PIP5K1B: variants seen among roughly 807,000 people sequenced by gnomAD.
The protein encoded by PIP5K1B is phosphatidylinositol 4-phosphate 5-kinase type-1 beta.
In PIP5K1B, 42 loss-of-function variants were observed where a neutral mutation model predicts 67.0. The ratio of observed to expected loss-of-function variants is 0.63; its 90% CI spans 0.49 to 0.81. PIP5K1B has a LOEUF of 0.81. Ranked by LOEUF, PIP5K1B falls within the 30% of genes least tolerant of loss-of-function variation. PIP5K1B has a pLI of 0.00. For missense variants in PIP5K1B, 459 were observed against 646.3 expected, an observed-to-expected ratio of 0.71 and a Z score of 3.14; for synonymous variants, 214 against 231.4, an observed-to-expected ratio of 0.92 and a Z score of 0.68.
At chr9:68,894,661 A>C in intron 8 of PIP5K1B, 23 bp downstream of exon 8, 1 of 1,606,456 alleles carries the variant, frequency 6.2e-7, no homozygotes, top group Non-Finnish European at 8.5e-7. Context: ...GATTGTTGTG[A>C]TTTCCTTTGA....
intron 2 of PIP5K1B, among the ~76,000 whole-genome samples, chr9:68,747,166 A>G (rs191377935): frequency 1.3e-5 from 2 of 151,140 alleles, no homozygotes; most frequent in Non-Finnish European, 2.9e-5. Flanking sequence ...TTTACTCCGT[A>G]TAAGGCCCTG....
intron 14 of PIP5K1B, among the ~76,000 whole-genome samples, chr9:68,972,172 A>G (rs1829404737): frequency 6.6e-6 from 1 of 152,182 alleles, no homozygotes; most frequent in South Asian, 2.1e-4. Context: ...TATAAGGTGT[A>G]AGGAAGGGGT....
intron 1 of PIP5K1B, among the ~76,000 whole-genome samples, chr9:68,707,020 C>G (rs1827156136): frequency 6.6e-6 from 1 of 152,144 alleles, no homozygotes; most frequent in Non-Finnish European, 1.5e-5. Flanking sequence ...CTAGAGCATT[C>G]CCAGCTGAAA....
chr9:69,004,759 G>A (rs1224710022), intron 15 of PIP5K1B, among the ~76,000 whole-genome samples: 3 of 152,194 alleles, frequency 2.0e-5, no homozygotes, highest in Non-Finnish European at 2.9e-5. Context: ...TGTCTCTGCA[G>A]TGATGGCTAA....
intron 2 of PIP5K1B, among the ~76,000 whole-genome samples, chr9:68,749,004 C>T (rs879779145): frequency 1.4e-4 from 22 of 152,268 alleles, no homozygotes; most frequent in Non-Finnish European, 2.5e-4. Context: ...GTTCAAATCC[C>T]GCCTCTACCC....
At chr9:68,840,073 A>G (rs1018450201) in intron 4 of PIP5K1B, among the ~76,000 whole-genome samples, 3 of 152,236 alleles carry the variant, frequency 2.0e-5, no homozygotes, top group East Asian at 3.8e-4. Flanking sequence ...AACAGGACCT[A>G]AAAGTATTGA....
intron 3 of PIP5K1B, chr9:68,822,365 T>G: frequency 2.9e-6 from 1 of 345,468 alleles, no homozygotes; most frequent in Non-Finnish European, 5.2e-6. Context: ...CTTATACACA[T>G]GTACATGCTT....
intron 4 of PIP5K1B, among the ~76,000 whole-genome samples, chr9:68,848,142 C>CTACA (rs1304183567): frequency 2.0e-5 from 3 of 152,168 alleles, no homozygotes. Context: ...AAGGCTTGGA[C>CTACA]TACAGTAAGT....
At chr9:68,711,125 T>A (rs2132236278) in intron 1 of PIP5K1B, among the ~76,000 whole-genome samples, 1 of 152,326 alleles carries the variant, frequency 6.6e-6, no homozygotes, top group East Asian at 1.9e-4. Context: ...CATTCAGTCA[T>A]GCTGAGCAAG....
chr9:68,847,868 G>A (rs956927225), intron 4 of PIP5K1B, among the ~76,000 whole-genome samples: 21 of 152,312 alleles, frequency 1.4e-4, no homozygotes, highest in Admixed American at 6.5e-4. Context: ...GGCCCATGTA[G>A]CCAATAAACA....
chr9:68,902,385 G>C (rs560794520), intron 8 of PIP5K1B, among the ~76,000 whole-genome samples: 1 of 152,252 alleles, frequency 6.6e-6, no homozygotes, highest in East Asian at 1.9e-4. Context: ...CCTGAGATTG[G>C]CTTTTTTTTA....
At chr9:68,967,950 C>A (rs1829123992) in intron 14 of PIP5K1B, among the ~76,000 whole-genome samples, 1 of 9,620 alleles carries the variant, frequency 1.0e-4, no homozygotes, top group African/African-American at 1.2e-4. Flanking sequence ...GGATTGCTCC[C>A]CAAAACCCAG....
chr9:68,952,417 G>T (rs569725684), intron 14 of PIP5K1B, among the ~76,000 whole-genome samples: 1 of 152,216 alleles, frequency 6.6e-6, no homozygotes, highest in African/African-American at 2.4e-5. Flanking sequence ...CATCATTCTG[G>T]GGATTCTAGT....
At chr9:68,895,717 TGACAGA>T (rs1349317481) in intron 8 of PIP5K1B, among the ~76,000 whole-genome samples, 1 of 152,104 alleles carries the variant, frequency 6.6e-6, no homozygotes, top group African/African-American at 2.4e-5. Flanking sequence ...TTTTCTTTAT[TGACAGA>T]GATGTTACTC....
chr9:68,935,478 A>G (rs181239465), intron 13 of PIP5K1B, among the ~76,000 whole-genome samples: 1 of 152,300 alleles, frequency 6.6e-6, no homozygotes, highest in Non-Finnish European at 1.5e-5. Flanking sequence ...AAATAAATAA[A>G]TAAATAAATA....
At position 68,822,696 on chromosome 9, in the gene PIP5K1B, T is replaced by G. The variant is rs373673153; in HGVS notation, c.69+13T>G. 4.4e-6 allele frequency: 7 copies of G among 1,589,418 alleles called. No individual in the cohort carries two copies. In the African/African-American group the frequency reaches 9.4e-5, roughly 21 times the overall value. Reference sequence around the variant, plus strand: ...AACCTATAAAAAGGTGAGTGTGCATTTTATTTTCTAAAGAGGAACACCGTT... The same window carrying G: ...AACCTATAAAAAGGTGAGTGTGCATGTTATTTTCTAAAGAGGAACACCGTT... On this transcript the variant is annotated intron_variant, in intron 4 of 15. Transcript: ENST00000265382.
intron 4 of PIP5K1B, among the ~76,000 whole-genome samples, chr9:68,843,742 C>A (rs569838094): frequency 6.9e-4 from 105 of 152,344 alleles, no homozygotes; most frequent in Non-Finnish European, 1.5e-5. Context: ...CCTTACCCAA[C>A]GAGACTGTAG....
At position 68,917,530 on chromosome 9, in the gene PIP5K1B, G is replaced by C; in HGVS notation, c.772-18G>C. ...GGCCTTTGGGTTGACTGGCTTCCTG[G>C]TTCTTTTTCTCATTCAGGTGCTAGA... is the stretch of plus-strand genomic sequence containing the variant. On this transcript the variant is annotated intron_variant, in intron 8 of 15. Transcript: ENST00000265382. The C allele has an allele frequency of 2.5e-6, 4 of 1,599,788 alleles. No individual in the cohort carries two copies. The highest frequency in any genetic ancestry group is 3.4e-6 in the Non-Finnish European group (4 of 1,167,164).
chr9:68,948,455 A>T (rs144739978), intron 14 of PIP5K1B, among the ~76,000 whole-genome samples: 2 of 152,028 alleles, frequency 1.3e-5, no homozygotes, highest in Admixed American at 1.3e-4. Flanking sequence ...GCTTAGCAAG[A>T]CCTCATTTCT....
Sources: allele counts gnomAD v4.1 joint callset (sites outside exome capture counted in the v4.1 genomes callset), GRCh38; gene constraint gnomAD v4.1.1; transcripts MANE v1.5; gene names NCBI Gene and HGNC (gene_info 2026-07-23, HGNC 2026-07-21).